PPM1L: variants seen among roughly 807,000 people sequenced by gnomAD.
PPM1L encodes the protein protein phosphatase 1L.
In PPM1L, 13 loss-of-function variants were observed where a neutral mutation model predicts 31.4. That is an observed-to-expected ratio of 0.41 (90% confidence interval 0.27 to 0.66). PPM1L has a LOEUF of 0.66. Among genes scored for constraint, PPM1L ranks in the 30% least tolerant of loss-of-function variants. The pLI is 0.29. For missense variants in PPM1L, 326 were observed against 453.7 expected (o/e 0.72, Z 2.56); for synonymous variants, 184 against 175.4 (o/e 1.05, Z -0.39).
intron 1 of PPM1L, among the ~76,000 whole-genome samples, chr3:160,820,020 A>C (rs1311898637): frequency 6.6e-6 from 1 of 152,090 alleles, no homozygotes; most frequent in Non-Finnish European, 1.5e-5. Flanking sequence ...TTATTTTGAC[A>C]TCATATTTTA....
intron 1 of PPM1L, among the ~76,000 whole-genome samples, chr3:160,764,143 G>A (rs77568530): frequency 0.013 from 1,983 of 152,002 alleles, 47 homozygotes; most frequent in African/African-American, 0.046. Context: ...TTTTTTAGGG[G>A]GTGGGGTGGG....
intron 1 of PPM1L, among the ~76,000 whole-genome samples, chr3:160,956,623 G>A (rs1294233075): frequency 6.6e-6 from 1 of 152,240 alleles, no homozygotes; most frequent in Non-Finnish European, 1.5e-5. Flanking sequence ...GGAGAGGAAA[G>A]CATTAAATAA....
intron 1 of PPM1L, among the ~76,000 whole-genome samples, chr3:160,830,607 C>A (rs1402348687): frequency 6.6e-6 from 1 of 151,978 alleles, no homozygotes; most frequent in East Asian, 2.0e-4. Context: ...TGAGGATTTT[C>A]AATTTTTTGG....
chr3:161,063,824 G>A (rs1576625774), intron 2 of PPM1L, among the ~76,000 whole-genome samples: 1 of 152,208 alleles, frequency 6.6e-6, no homozygotes, highest in Admixed American at 6.5e-5. Context: ...ATACACCACG[G>A]AATACTATGC....
intron 1 of PPM1L, among the ~76,000 whole-genome samples, chr3:160,891,076 A>G (rs542986999): frequency 6.6e-6 from 1 of 152,322 alleles, no homozygotes; most frequent in South Asian, 2.1e-4. Flanking sequence ...CAAAGACTTC[A>G]TGATGGAAAC....
intron 1 of PPM1L, among the ~76,000 whole-genome samples, chr3:160,923,742 T>C (rs1714496164): frequency 6.6e-6 from 1 of 152,232 alleles, no homozygotes; most frequent in Admixed American, 6.5e-5. Flanking sequence ...AGGATGCTAC[T>C]GCATTTGATA....
chr3:160,984,493 A>G (rs751428074), intron 2 of PPM1L, among the ~76,000 whole-genome samples: 1 of 152,184 alleles, frequency 6.6e-6, no homozygotes, highest in Non-Finnish European at 1.5e-5. Context: ...CAATCACCAC[A>G]GGGTCCTGAG....
chr3:160,919,525 T>C (rs921131582), intron 1 of PPM1L, among the ~76,000 whole-genome samples: 1 of 152,212 alleles, frequency 6.6e-6, no homozygotes, highest in African/African-American at 2.4e-5. Context: ...GGAAGGCTCT[T>C]GGAGCGAGAG....
At chr3:160,886,801 C>T (rs1304089693) in intron 1 of PPM1L, among the ~76,000 whole-genome samples, 2 of 152,110 alleles carry the variant, frequency 1.3e-5, no homozygotes, top group African/African-American at 4.8e-5. Context: ...CAGAGGGCCT[C>T]TTTTCCTCCA....
intron 1 of PPM1L, among the ~76,000 whole-genome samples, chr3:160,949,551 C>T (rs971423108): frequency 1.3e-5 from 2 of 152,068 alleles, no homozygotes; most frequent in Middle Eastern, 3.2e-3. Flanking sequence ...ATTGTGGGCA[C>T]GGTCCCTTTT....
intron 2 of PPM1L, among the ~76,000 whole-genome samples, chr3:161,048,511 A>T (rs1271437364): frequency 2.0e-5 from 3 of 152,220 alleles, no homozygotes; most frequent in Non-Finnish European, 4.4e-5. Flanking sequence ...CCATTGTGGA[A>T]GACAGTGTGG....
chr3:160,829,843 AAG>A (rs1713466765), intron 1 of PPM1L, among the ~76,000 whole-genome samples: 1 of 152,160 alleles, frequency 6.6e-6, no homozygotes, highest in Non-Finnish European at 1.5e-5. Flanking sequence ...CAGGTCATTA[AAG>A]AGAGCAAAAA....
At chr3:160,766,165 A>G (rs1038526477) in intron 1 of PPM1L, among the ~76,000 whole-genome samples, 1 of 152,218 alleles carries the variant, frequency 6.6e-6, no homozygotes, top group African/African-American at 2.4e-5. Flanking sequence ...TCCTCTGAAA[A>G]GTACAGAGCA....
chr3:161,047,692 C>T (rs1314089909), intron 2 of PPM1L, among the ~76,000 whole-genome samples: 1 of 152,176 alleles, frequency 6.6e-6, no homozygotes, highest in Middle Eastern at 3.2e-3. Flanking sequence ...AACTATACTA[C>T]AAGGCTATAG....
chr3:160,965,950 T>C (rs1716128658), intron 2 of PPM1L, among the ~76,000 whole-genome samples: 1 of 152,140 alleles, frequency 6.6e-6, no homozygotes, highest in Non-Finnish European at 1.5e-5. Context: ...TAGACATTTT[T>C]CTAAAATCAT....
intron 2 of PPM1L, among the ~76,000 whole-genome samples, chr3:160,967,631 A>G (rs1716199504): frequency 6.6e-6 from 1 of 152,016 alleles, no homozygotes. Context: ...TCAACATATG[A>G]ATTTTGGGAG....
intron 1 of PPM1L, among the ~76,000 whole-genome samples, chr3:160,845,769 G>A (rs887414566): frequency 7.2e-5 from 11 of 151,890 alleles, no homozygotes; most frequent in African/African-American, 2.7e-4. Flanking sequence ...GTTAATTTTT[G>A]TATAATGTAT....
intron 1 of PPM1L, among the ~76,000 whole-genome samples, chr3:160,780,088 G>A (rs1018797235): frequency 6.6e-6 from 1 of 151,402 alleles, no homozygotes; most frequent in Non-Finnish European, 1.5e-5. Context: ...ACAGTGGCAT[G>A]ATCACTGCCC....
intron 1 of PPM1L, among the ~76,000 whole-genome samples, chr3:160,858,186 G>A (rs962220134): frequency 6.6e-6 from 1 of 152,140 alleles, no homozygotes; most frequent in African/African-American, 2.4e-5. Flanking sequence ...TGAAAGTAAA[G>A]CAGTGCTTCC....
Sources: gnomAD v4.1 joint callset for allele counts (sites outside exome capture counted in the v4.1 genomes callset) on GRCh38, gnomAD v4.1.1 for gene constraint, MANE v1.5 for transcripts, NCBI Gene and HGNC (gene_info 2026-07-23, HGNC 2026-07-21) for gene names.